The following SPATA16 variants were observed in gnomAD, a reference collection of about 807,000 sequenced individuals.
SPATA16 encodes the protein spermatogenesis-associated protein 16.
A neutral mutation model predicts 63.3 loss-of-function variants in SPATA16; 36 were observed. The observed-to-expected ratio is 0.57, with a 90% confidence interval of 0.44 to 0.75. The LOEUF (loss-of-function observed/expected upper bound fraction) is 0.75, where lower values mean the gene tolerates loss of function less well. Ranked by LOEUF, SPATA16 falls within the 30% of genes least tolerant of loss-of-function variation. The probability of loss-of-function intolerance (pLI) is 0.00; values close to 1 mark genes in which losing one functional copy is unlikely to be tolerated. For synonymous variants in SPATA16, 203 were observed against 216.7 expected (o/e 0.94, Z 0.56); for missense variants, 646 against 679.3 (o/e 0.95, Z 0.54).
intron 2 of SPATA16, among the ~76,000 whole-genome samples, chr3:173,098,832 C>T (rs538756923): frequency 1.3e-5 from 2 of 152,160 alleles, no homozygotes; most frequent in East Asian, 1.9e-4. Context: ...GCATTAAAGC[C>T]GCCCATATGA....
chr3:172,978,967 T>C (rs1157575122), intron 4 of SPATA16, among the ~76,000 whole-genome samples: 3 of 152,188 alleles, frequency 2.0e-5, no homozygotes, highest in Admixed American at 1.3e-4. Context: ...GCCGGGCGCG[T>C]TGGCTCATGC....
chr3:173,016,127 C>A (rs16846411), intron 4 of SPATA16, among the ~76,000 whole-genome samples: 4 of 152,132 alleles, frequency 2.6e-5, no homozygotes, highest in Non-Finnish European at 5.9e-5. Context: ...CAGCCATCTC[C>A]GCAATGTGAC....
At chr3:172,996,453 A>T (rs973957889) in intron 4 of SPATA16, among the ~76,000 whole-genome samples, 1 of 152,106 alleles carries the variant, frequency 6.6e-6, no homozygotes, top group African/African-American at 2.4e-5. Flanking sequence ...TGTTTTAAAA[A>T]TTTTTATTTA....
chr3:173,068,815 G>GAAA (rs1477119238), intron 2 of SPATA16, among the ~76,000 whole-genome samples: 3 of 95,876 alleles, frequency 3.1e-5, no homozygotes, highest in Non-Finnish European at 2.0e-5. Context: ...CCCCAAATTA[G>GAAA]TAAAAAAAAA....
chr3:173,095,474 C>A (rs1406688832), intron 2 of SPATA16, among the ~76,000 whole-genome samples: 1 of 152,060 alleles, frequency 6.6e-6, no homozygotes, highest in Non-Finnish European at 1.5e-5. Context: ...TATATGTCAG[C>A]TATCTATAAA....
rs117852442 is a variant in SPATA16 at position 173,064,372 on chromosome 3, A to G, written c.613-15278T>C. 5.2e-3 allele frequency among the ~76,000 whole-genome samples: 787 copies of G among 151,834 alleles called. 23 individuals carry two copies. The highest frequency in any genetic ancestry group is 0.036 in the East Asian group (186 of 5,140). ...GAATTAAAAAAACCAATAATCCTCA[A>G]GTTCAATCCTCTATGATACATCACT... On this transcript the variant is annotated intron_variant, in intron 2 of 10. Transcript: ENST00000351008.
intron 5 of SPATA16, among the ~76,000 whole-genome samples, chr3:172,959,754 A>G (rs896422800): frequency 1.3e-5 from 2 of 148,736 alleles, no homozygotes; most frequent in African/African-American, 5.0e-5. Context: ...AGCCTGTCCT[A>G]CATTGCTGTT....
chr3:173,007,726 A>G (rs1734975920), intron 4 of SPATA16, among the ~76,000 whole-genome samples: 1 of 152,216 alleles, frequency 6.6e-6, no homozygotes, highest in Non-Finnish European at 1.5e-5. Context: ...ATTTGTGGCA[A>G]ATAGTGAATT....
chr3:173,097,368 G>T (rs190232517), intron 2 of SPATA16, among the ~76,000 whole-genome samples: 46 of 152,236 alleles, frequency 3.0e-4, no homozygotes, highest in African/African-American at 1.0e-3. Flanking sequence ...AAAGGTGAAA[G>T]TTCTCAACTT....
At chr3:173,109,060 T>C (rs1240235620) in intron 2 of SPATA16, among the ~76,000 whole-genome samples, 2 of 152,226 alleles carry the variant, frequency 1.3e-5, no homozygotes, top group Admixed American at 6.5e-5. Flanking sequence ...TCTTTTCATT[T>C]GTAAAGTGAT....
chr3:173,110,107 A>G (rs1236202875), intron 2 of SPATA16, among the ~76,000 whole-genome samples: 3 of 152,170 alleles, frequency 2.0e-5, no homozygotes, highest in Non-Finnish European at 2.9e-5. Context: ...AATTTTTTAA[A>G]ATCATTAAAT....
chr3:172,920,552 T>C (rs1732595288), intron 8 of SPATA16, among the ~76,000 whole-genome samples: 1 of 152,240 alleles, frequency 6.6e-6, no homozygotes, highest in Admixed American at 6.5e-5. Flanking sequence ...ATATGTAATT[T>C]GTGGAGAACA....
chr3:172,927,273 T>C (rs1469640573), intron 6 of SPATA16, among the ~76,000 whole-genome samples: 1 of 152,226 alleles, frequency 6.6e-6, no homozygotes, highest in Non-Finnish European at 1.5e-5. Flanking sequence ...ACCTCAGTTT[T>C]TCAAAACACT....
At chr3:172,927,186 A>C (rs558217959) in intron 6 of SPATA16, among the ~76,000 whole-genome samples, 107 of 152,172 alleles carry the variant, frequency 7.0e-4, no homozygotes, top group Non-Finnish European at 6.9e-4. Flanking sequence ...GAATCCTGGC[A>C]CACTGATTAC....
intron 6 of SPATA16, among the ~76,000 whole-genome samples, chr3:172,944,584 C>G (rs1733236481): frequency 6.6e-6 from 1 of 152,134 alleles, no homozygotes; most frequent in Non-Finnish European, 1.5e-5. Context: ...AAGGTGGAAG[C>G]ACCGAGTTTT....
chr3:173,088,044 TTC>T (rs1436346849), intron 2 of SPATA16, among the ~76,000 whole-genome samples: 3 of 142,090 alleles, frequency 2.1e-5, no homozygotes, highest in African/African-American at 7.9e-5. Context: ...CTTTCTTTCT[TTC>T]TTTCTTTCTT....
At chr3:172,903,915 G>T (rs1732179618) in intron 10 of SPATA16, among the ~76,000 whole-genome samples, 1 of 152,218 alleles carries the variant, frequency 6.6e-6, no homozygotes, top group African/African-American at 2.4e-5. Context: ...CTCATTGGCT[G>T]TCTTACAGAA....
At chr3:173,017,119 C>G (rs1735207978) in intron 4 of SPATA16, among the ~76,000 whole-genome samples, 1 of 152,092 alleles carries the variant, frequency 6.6e-6, no homozygotes, top group Non-Finnish European at 1.5e-5. Context: ...TCATAGCATC[C>G]TTTCTCTTGG....
At chr3:172,927,867 A>G (rs2109582294) in intron 6 of SPATA16, among the ~76,000 whole-genome samples, 1 of 152,282 alleles carries the variant, frequency 6.6e-6, no homozygotes, top group East Asian at 1.9e-4. Flanking sequence ...ACTTTTAGGC[A>G]TCTTAACATA....
Sources: allele counts gnomAD v4.1 joint callset (sites outside exome capture counted in the v4.1 genomes callset), GRCh38; gene constraint gnomAD v4.1.1; transcripts MANE v1.5; gene names NCBI Gene and HGNC (gene_info 2026-07-23, HGNC 2026-07-21).